The following CARD14 variants were observed in gnomAD, a reference collection of about 807,000 sequenced individuals.
The protein encoded by CARD14 is caspase recruitment domain family member 14, also known as caspase recruitment domain-containing protein 14.
Under a neutral mutation model 111.5 loss-of-function variants are expected in CARD14, and 107 were observed. The observed-to-expected ratio is 0.96, with a 90% confidence interval of 0.82 to 1.13. The LOEUF is 1.13. Among genes scored for constraint, CARD14 ranks in the 50% most tolerant of loss-of-function variants. The pLI is 0.00. For missense variants in CARD14, 1,322 were observed against 1,362.3 expected (o/e 0.97, Z 0.47); for synonymous variants, 617 against 579.6 (o/e 1.06, Z -0.93).
chr17:80,172,650 G>A (rs935471118), intron 1 of CARD14, among the ~76,000 whole-genome samples: 29 of 152,042 alleles, frequency 1.9e-4, no homozygotes, highest in African/African-American at 7.0e-4. Flanking sequence ...CCCCTAAACC[G>A]AGTCTGTATT....
In CARD14 at chr17:80,190,911, G is replaced by C; in HGVS notation, c.1089+12G>C. On this transcript the variant is annotated intron_variant, in intron 10 of 23. Coordinates refer to ENST00000648509, the MANE Select transcript of CARD14 (RefSeq NM_001366385.1). The stretch of plus-strand genomic sequence containing the variant: ...AGGAGCGAGACCAGGTACCTGAGAG[G>C]CCGGGCCCACCCCGCCACCCCATGC... The C allele has an allele frequency of 6.2e-7, 1 of 1,612,216 alleles. No homozygotes were observed. The highest frequency in any genetic ancestry group is 1.1e-5 in the South Asian group (1 of 91,008).
Position 80,204,390 on chromosome 17 carries a change from G to A in CARD14, c.2398+49G>A, listed in dbSNP as rs4889997. ...GGGGCCACTGGCTCCAAGTGGGTGA[G>A]GGGCTTTGGGAGCTGCTGCTAGTTG... On this transcript the variant is annotated intron_variant, in intron 20 of 23. Coordinates refer to ENST00000648509, the MANE Select transcript of CARD14 (RefSeq NM_001366385.1). 0.47 allele frequency: 705,280 copies of A among 1,485,298 alleles called. 173,114 individuals are homozygous for A. The highest frequency in any genetic ancestry group is 0.55 in the East Asian group (21,733 of 39,704). The allele number at this position is 1,485,298 out of a possible 1,614,324, so 92.0% of individuals were successfully genotyped here.
At position 80,201,743 on chromosome 17, in the gene CARD14, G is replaced by C; in HGVS notation, c.1852-1G>C. 6.2e-7 allele frequency: 1 copy of C among 1,614,006 alleles called. No individual in the cohort carries two copies. The highest frequency in any genetic ancestry group is 2.2e-5 in the East Asian group (1 of 44,874). On this transcript the variant is annotated splice_acceptor_variant, in intron 16 of 23. Transcript: ENST00000648509. LOFTEE classifies it high-confidence loss of function. The surrounding 1 kb of genome is among the most constrained non-coding windows in gnomAD (Gnocchi z 5.0). The stretch of plus-strand genomic sequence containing the variant: ...GACTGACCTTCTCGACTTGCCCTCA[G>C]GTTGATTACGAAGCCTCAGAGCCCT...
rs2040953662 is a variant in CARD14 at position 80,201,166 on chromosome 17, G to A, written c.1852-578G>A. 1 of 154,858 alleles carries A rather than the reference G, an allele frequency of 6.5e-6. No homozygotes were observed. The highest frequency in any genetic ancestry group is 6.3e-5 in the Admixed American group (1 of 15,864). 9.6% of individuals were successfully genotyped at this position (154,858 alleles called of 1,614,324 possible). A position where few individuals can be genotyped will look rare whatever the true frequency, so the allele number is the denominator to read the frequency against. On this transcript the variant is annotated intron_variant, in intron 16 of 23. Coordinates refer to ENST00000648509, the MANE Select transcript of CARD14 (RefSeq NM_001366385.1). This position sits in a 1 kb window ranked among gnomAD's most constrained non-coding sequence, Gnocchi z 5.0. ...AGGGGGCCAATTAGATTCTAATGGTGTTAAAACACATCTTAATTTTTATTG... is the reference window on the plus strand; with the variant it reads ...AGGGGGCCAATTAGATTCTAATGGTATTAAAACACATCTTAATTTTTATTG...
chr17:80,192,038 T>G (rs1344422454), intron 11 of CARD14: 2 of 155,182 alleles, frequency 1.3e-5, no homozygotes, highest in African/African-American at 2.4e-5. Context: ...CCTTACCCCC[T>G]GCATGGCAAG....
intron 23 of CARD14, 27 bp from the exon 24 acceptor site, chr17:80,208,107 AGCCC>A: frequency 7.1e-7 from 1 of 1,398,644 alleles, no homozygotes; most frequent in Non-Finnish European, 9.7e-7. Flanking sequence ...CTCTCCCCTG[AGCCC>A]GCCCCCCCCA....
chr17:80,177,146 G>A (rs754379932), intron 2 of CARD14, among the ~76,000 whole-genome samples: 20 of 152,312 alleles, frequency 1.3e-4, no homozygotes, highest in Non-Finnish European at 8.8e-5. Context: ...GACCCTTGGC[G>A]TGTCACTCCA....
At position 80,203,737 on chromosome 17, in the gene CARD14, C is replaced by A. The variant is rs991088485; in HGVS notation, c.2220-85C>A. On this transcript the variant is annotated intron_variant, in intron 18 of 23. Coordinates refer to ENST00000648509, the MANE Select transcript of CARD14 (RefSeq NM_001366385.1). This position sits in a 1 kb window ranked among gnomAD's most constrained non-coding sequence, Gnocchi z 4.6. ...GCCCTTCTCTCCCACCCGGCCATCT[C>A]CCCCACTCTCCCCTGCTCGGCTCTC... 3 of 1,021,480 alleles carry A rather than the reference C, an allele frequency of 2.9e-6. No individual in the cohort carries two copies. Among genetic ancestry groups the A allele is most frequent in the Non-Finnish European group, 1.5e-6 (1 of 683,276 alleles). 63.3% of individuals were successfully genotyped at this position (1,021,480 alleles called of 1,614,324 possible). A position where few individuals can be genotyped will look rare whatever the true frequency, so the allele number is the denominator to read the frequency against.
chr17:80,179,485 A>G (rs2040103317), intron 4 of CARD14, among the ~76,000 whole-genome samples, 184 bp downstream of exon 4: 2 of 152,216 alleles, frequency 1.3e-5, no homozygotes, highest in Admixed American at 1.3e-4. Context: ...TGCTGTCTGC[A>G]CGAAGTATCA....
chr17:80,191,436 A>G lies in CARD14; in HGVS notation c.1203A>G (p.Thr401=). Residue 401 remains threonine, a synonymous_variant, in exon 11 of 24, where the codon ACA becomes ACG. Transcript: ENST00000648509. ...CGGACCAGGTCTGCGAGCTGCGCACACAGCTTCGCCAGCTGCAGGCAGAGC... is the reference window on the plus strand; with the variant it reads ...CGGACCAGGTCTGCGAGCTGCGCACGCAGCTTCGCCAGCTGCAGGCAGAGC... ...ELTDQVCELR[T]QLRQLQAEPP... is the part of the protein sequence containing the mutation. 6.2e-7 allele frequency: 1 copy of G among 1,613,368 alleles called. No homozygotes were observed. Among genetic ancestry groups the G allele is most frequent in the Non-Finnish European group, 8.5e-7 (1 of 1,179,718 alleles).
Position 80,204,629 on chromosome 17 carries a change from A to G in CARD14, c.2398+288A>G, listed in dbSNP as rs1300666414. On this transcript the variant is annotated intron_variant, in intron 20 of 23. Transcript: ENST00000648509. Reference sequence around the variant, plus strand: ...ATAAGAGCAAAACTCTGTCTCAGGAAAAAAAAAAAATTTCAGGAGAGGAGT... The same window carrying G: ...ATAAGAGCAAAACTCTGTCTCAGGAGAAAAAAAAAATTTCAGGAGAGGAGT... 1.9e-5 allele frequency: 4 copies of G among 205,436 alleles called. No individual in the cohort carries two copies. The East Asian group carries it at 3.3e-4, about 17-fold the overall frequency. The allele number at this position is 205,436 out of a possible 1,614,324, so 12.7% of individuals were successfully genotyped here.
chr17:80,190,647 G>T, intron 9 of CARD14, 127 bp from the exon 10 acceptor site: 1 of 941,914 alleles, frequency 1.1e-6, no homozygotes, highest in Non-Finnish European at 1.5e-6. Flanking sequence ...AGAGACGAGT[G>T]AGAATTGACC....
intron 12 of CARD14, among the ~76,000 whole-genome samples, chr17:80,193,633 G>A (rs1158744658): frequency 1.3e-5 from 2 of 152,176 alleles, no homozygotes; most frequent in Non-Finnish European, 2.9e-5. Flanking sequence ...GCCATGCCTT[G>A]GGGTGGACCT....
intron 12 of CARD14, among the ~76,000 whole-genome samples, chr17:80,193,180 G>A (rs957354180): frequency 6.6e-6 from 1 of 152,194 alleles, no homozygotes; most frequent in Non-Finnish European, 1.5e-5. Context: ...TTCACAGCTT[G>A]CAGGGTGGAC....
chr17:80,177,762 C>G (rs1475004503), intron 2 of CARD14, among the ~76,000 whole-genome samples: 3 of 152,046 alleles, frequency 2.0e-5, no homozygotes, highest in Non-Finnish European at 4.4e-5. Flanking sequence ...CCAGGCTGGT[C>G]TCAAACTCCT....
chr17:80,198,330 A>G lies in CARD14; in HGVS notation c.1659-69A>G, dbSNP rs188386976. ...AGAACACTGGGGCCAGAGGGAAGCA[A>G]TGGGGAGGTGGCCTTGCCGGCTCTC... On this transcript the variant is annotated intron_variant, in intron 15 of 23. Coordinates refer to ENST00000648509, the MANE Select transcript of CARD14 (RefSeq NM_001366385.1). The surrounding 1 kb of genome is among the most constrained non-coding windows in gnomAD (Gnocchi z 7.5). The G allele has an allele frequency of 3.0e-4, 470 of 1,561,654 alleles. 7 individuals are homozygous for G. The East Asian group carries it at 7.2e-3, about 24-fold the overall frequency.
rs1332474389 is a variant in CARD14 at position 80,203,405 on chromosome 17, C to G, written c.2220-417C>G. 1 of 180,864 alleles carries G rather than the reference C, an allele frequency of 5.5e-6. No homozygotes were observed. Among genetic ancestry groups the G allele is most frequent in the Non-Finnish European group, 1.1e-5 (1 of 87,158 alleles). 11.2% of individuals were successfully genotyped at this position (180,864 alleles called of 1,614,324 possible). Reference sequence around the variant, plus strand: ...GCACCCCCATCACTCATTGCAAACTCAAGTCCCCTGGGGATCGGAGCCAGC... The same window carrying G: ...GCACCCCCATCACTCATTGCAAACTGAAGTCCCCTGGGGATCGGAGCCAGC... On this transcript the variant is annotated intron_variant, in intron 18 of 23. Transcript: ENST00000648509. The surrounding 1 kb of genome is among the most constrained non-coding windows in gnomAD (Gnocchi z 4.6).
At chr17:80,204,854 C>A in intron 20 of CARD14, 181 bp from the exon 21 acceptor site, 2 of 567,262 alleles carry the variant, frequency 3.5e-6, no homozygotes, top group Non-Finnish European at 6.2e-6. Context: ...TGCAAAGGAG[C>A]CGCTCAGCCA....
intron 14 of CARD14, chr17:80,196,157 G>A (rs969560046): frequency 2.5e-4 from 38 of 154,130 alleles, no homozygotes; most frequent in African/African-American, 8.0e-4. Context: ...CCATGGGCCC[G>A]TCATGGGTGG....
Sources: gnomAD v4.1 joint callset for allele counts (sites outside exome capture counted in the v4.1 genomes callset) on GRCh38, gnomAD v4.1.1 for gene constraint, Gnocchi (gnomAD v3.1) non-coding constraint, MANE v1.5 for transcripts, NCBI Gene and HGNC (gene_info 2026-07-23, HGNC 2026-07-21) for gene names.